Variants in RAD54B observed in about 807,000 individuals in gnomAD.
RAD54B encodes the protein RAD54 homolog B.
In RAD54B, 78 loss-of-function variants were observed where a neutral mutation model predicts 95.8. The ratio of observed to expected loss-of-function variants is 0.81; its 90% CI spans 0.68 to 0.98. The LOEUF (loss-of-function observed/expected upper bound fraction) is 0.98. Ranked by LOEUF, RAD54B falls within the 50% of genes least tolerant of loss-of-function variation. The pLI is 0.00. For missense variants in RAD54B, 957 were observed against 1,056.6 expected (o/e 0.91, Z 1.31); for synonymous variants, 328 against 354.9 (o/e 0.92, Z 0.85).
chr8:94,423,154 C>T (rs1811864440), intron 3 of RAD54B, among the ~76,000 whole-genome samples: 1 of 152,050 alleles, frequency 6.6e-6, no homozygotes, highest in African/African-American at 2.4e-5. Flanking sequence ...GAGGCCGAGG[C>T]AGGCTAATCA....
At chr8:94,386,820 A>T (rs1003133555) in intron 11 of RAD54B, among the ~76,000 whole-genome samples, 164 bp downstream of exon 11, 1 of 152,244 alleles carries the variant, frequency 6.6e-6, no homozygotes, top group African/African-American at 2.4e-5. Flanking sequence ...TTACAGACAC[A>T]TTGTTAATTA....
intron 11 of RAD54B, among the ~76,000 whole-genome samples, chr8:94,384,699 A>G (rs528940608): frequency 1.3e-5 from 2 of 152,170 alleles, no homozygotes; most frequent in East Asian, 1.9e-4. Flanking sequence ...TTTTTTAAAG[A>G]AAAGGCGATC....
chr8:94,434,607 G>A (rs1413316204), intron 3 of RAD54B, among the ~76,000 whole-genome samples: 2 of 151,810 alleles, frequency 1.3e-5, no homozygotes, highest in East Asian at 3.9e-4. Flanking sequence ...TATTTATGTA[G>A]AAGTATAGTT....
chr8:94,375,321 C>A (rs116700205), intron 14 of RAD54B, among the ~76,000 whole-genome samples: 6,847 of 152,218 alleles, frequency 0.045, 309 homozygotes, highest in Admixed American at 0.12. Context: ...ATATTTCCCA[C>A]GTGTTGTGGG....
intron 3 of RAD54B, among the ~76,000 whole-genome samples, chr8:94,421,668 T>C (rs189461172): frequency 2.0e-5 from 3 of 152,298 alleles, no homozygotes; most frequent in Admixed American, 2.0e-4. Flanking sequence ...AAACTGGAAA[T>C]CATCCTTGAC....
At chr8:94,414,598 T>C (rs1485914891) in intron 3 of RAD54B, among the ~76,000 whole-genome samples, 1 of 152,234 alleles carries the variant, frequency 6.6e-6, no homozygotes, top group Non-Finnish European at 1.5e-5. Flanking sequence ...GTGGTTTTTG[T>C]CTTTGGTTCT....
intron 3 of RAD54B, chr8:94,437,094 G>T: frequency 2.6e-6 from 2 of 782,900 alleles, no homozygotes; most frequent in Non-Finnish European, 3.5e-6. Flanking sequence ...CACTGAAGAA[G>T]ACAGGAAGGC....
intron 10 of RAD54B, among the ~76,000 whole-genome samples, chr8:94,391,282 C>G (rs1300908260): frequency 2.6e-5 from 4 of 151,300 alleles, no homozygotes; most frequent in South Asian, 2.1e-4. Flanking sequence ...ACCAAACAAA[C>G]AAAACTGACA....
rs1586119077 is a variant in RAD54B, at chr8:94,380,302, G to A, written c.2090C>T (p.Ser697Phe). 4.3e-6 allele frequency: 7 copies of A among 1,613,986 alleles called. No homozygotes were observed. The highest frequency in any genetic ancestry group is 5.9e-6 in the Non-Finnish European group (7 of 1,180,002). ...YTRLDGQTPI[S>F]QRQQIVDGFN... ...GCCATCAACAATCTGCTGCCTTTGA[G>A]AGATTGGTGTTTGTCCATCAAGTCT... The change falls in exon 12 of 15, where the codon TCT becomes TTT. Residue 697 changes from serine (S) to phenylalanine (F), a missense_variant. Ser to Phe is a radical substitution (Grantham distance 155). Transcript: ENST00000336148.
In RAD54B at chr8:94,378,637, A is replaced by G; in HGVS notation, c.2248-3T>C. ...TCTCTCCATACTCTAGACATTGCCT[A>G]TAGAAAATAAGTGAGAATTCTGAGA... On this transcript the variant is annotated splice_region_variant and splice_polypyrimidine_tract_variant and intron_variant, in intron 12 of 14. Transcript: ENST00000336148. 3 of 1,595,514 alleles carry G rather than the reference A, an allele frequency of 1.9e-6. No homozygotes were observed. The highest frequency in any genetic ancestry group is 2.6e-6 in the Non-Finnish European group (3 of 1,169,146).
intron 2 of RAD54B, among the ~76,000 whole-genome samples, chr8:94,461,654 A>G (rs961639719): frequency 1.3e-5 from 2 of 152,176 alleles, no homozygotes; most frequent in Non-Finnish European, 2.9e-5. Flanking sequence ...TAACATTCCA[A>G]AAATAGTATT....
At chr8:94,393,615 C>T (rs892452202) in intron 9 of RAD54B, 128 bp downstream of exon 9, 12 of 872,864 alleles carry the variant, frequency 1.4e-5, no homozygotes, top group South Asian at 4.0e-5. Flanking sequence ...ATGCAAGAAA[C>T]GAAGGATTGT....
intron 3 of RAD54B, among the ~76,000 whole-genome samples, chr8:94,450,856 T>C (rs1812639624): frequency 6.6e-6 from 1 of 152,096 alleles, no homozygotes; most frequent in Non-Finnish European, 1.5e-5. Context: ...ATTTGGTCCC[T>C]TTTTGATAGA....
intron 3 of RAD54B, among the ~76,000 whole-genome samples, chr8:94,443,704 TC>T (rs1267351268): frequency 6.6e-6 from 1 of 151,838 alleles, no homozygotes; most frequent in Non-Finnish European, 1.5e-5. Flanking sequence ...CCTTCCTTTG[TC>T]CCTTCTGCTT....
intron 8 of RAD54B, among the ~76,000 whole-genome samples, chr8:94,395,194 C>T (rs1223702672): frequency 6.6e-6 from 1 of 152,112 alleles, no homozygotes; most frequent in Admixed American, 6.6e-5. Context: ...AAATGACTGA[C>T]ATACTCAAGG....
chr8:94,399,448 A>G lies in RAD54B; in HGVS notation c.1344T>C (p.Ile448=), dbSNP rs545626193. 17 of 1,613,568 alleles carry G rather than the reference A, an allele frequency of 1.1e-5. No individual in the cohort carries two copies. In the South Asian group the frequency reaches 1.8e-4, roughly 17 times the overall value. Residue 448 remains isoleucine, a synonymous_variant, in exon 8 of 15, where the codon ATT becomes ATC. Transcript: ENST00000336148. ...NSAIKTTTAL[I]SLSCEKRIIL... The stretch of plus-strand genomic sequence containing the variant: ...TTATTCTTTTCTCACAAGAAAGGCT[A>G]ATGAGGGCTGTAGTTGTCTTAATGG...
chr8:94,388,466 G>T (rs942022362), intron 10 of RAD54B, among the ~76,000 whole-genome samples: 1 of 152,184 alleles, frequency 6.6e-6, no homozygotes, highest in African/African-American at 2.4e-5. Flanking sequence ...TCGTAGTTCA[G>T]TTTTGGGGGA....
chr8:94,427,845 A>G (rs1811982810), intron 3 of RAD54B: 30 of 960,952 alleles, frequency 3.1e-5, no homozygotes, highest in Non-Finnish European at 3.7e-5. Flanking sequence ...AAAAGTTGAC[A>G]TTACTCCAAA....
chr8:94,381,549 T>C (rs1192697263), intron 11 of RAD54B, among the ~76,000 whole-genome samples: 1 of 152,202 alleles, frequency 6.6e-6, no homozygotes, highest in Non-Finnish European at 1.5e-5. Context: ...GAAAATAATT[T>C]ATGTCCTCAA....
Sources: gnomAD v4.1 joint callset for allele counts (sites outside exome capture counted in the v4.1 genomes callset) on GRCh38, gnomAD v4.1.1 for gene constraint, MANE v1.5 for transcripts, NCBI Gene and HGNC (gene_info 2026-07-23, HGNC 2026-07-21) for gene names.